The following POF1B variants were observed in gnomAD, a reference collection of about 807,000 sequenced individuals.
POF1B encodes the protein POF1B actin binding protein.
Under a neutral mutation model 55.3 loss-of-function variants are expected in POF1B, and 53 were observed. The ratio of observed to expected loss-of-function variants is 0.96; its 90% CI spans 0.77 to 1.20. The LOEUF (loss-of-function observed/expected upper bound fraction) is 1.20. Among genes scored for constraint, POF1B ranks in the 50% most tolerant of loss-of-function variants. The pLI, the probability that POF1B is intolerant of heterozygous loss-of-function variation, is 0.00. For synonymous variants in POF1B, 188 were observed against 148.3 expected, an observed-to-expected ratio of 1.27 and a Z score of -1.95; for missense variants, 478 against 420.5, an observed-to-expected ratio of 1.14 and a Z score of -1.20.
intron 6 of POF1B, among the ~76,000 whole-genome samples, chrX:85,338,131 A>G (rs1355578253): frequency 9.0e-6 from 1 of 111,321 alleles, no homozygotes; most frequent in Non-Finnish European, 1.9e-5. Flanking sequence ...TTTGTTGGAT[A>G]AAAATATTTT....
At chrX:85,305,698 A>AT (rs1175856114) in intron 13 of POF1B, 93 bp downstream of exon 13, 1 of 1,018,310 alleles carries the variant, frequency 9.8e-7, no homozygotes, top group Non-Finnish European at 1.3e-6. Flanking sequence ...CCTTCAGCTA[A>AT]TTTTTTCTGG....
intron 15 of POF1B, among the ~76,000 whole-genome samples, chrX:85,299,302 T>A (rs113548341): frequency 0.077 from 7,719 of 100,702 alleles, 666 homozygotes; most frequent in African/African-American, 0.25. Flanking sequence ...TTTTTTTTTT[T>A]TTTTGAGACG....
intron 5 of POF1B, among the ~76,000 whole-genome samples, chrX:85,347,063 G>A (rs1365089214): frequency 9.1e-6 from 1 of 110,458 alleles, no homozygotes; most frequent in African/African-American, 3.3e-5. Context: ...GCTTTTTTCT[G>A]GTAAGTATAG....
chrX:85,282,240 G>A lies in POF1B; in HGVS notation c.1727C>T (p.Thr576Ile), dbSNP rs1569276740. The change falls in exon 16 of 17, where the codon ACT becomes ATT. Residue 576 changes from threonine to isoleucine, a missense_variant. Transcript: ENST00000262753. The stretch of plus-strand genomic sequence containing the variant: ...GTCTTCTGTTTTCTCAATCACAATA[G>A]TCTGTGTTTCACTACCTGGTGGTAT... ...EYIPPGSETQ[T>I]IVIEKTEDKY... 8.4e-6 allele frequency: 10 copies of A among 1,189,912 alleles called. No homozygotes were observed. The highest frequency in any genetic ancestry group is 4.7e-4 in the Middle Eastern group (2 of 4,291).
At chrX:85,352,156 G>A (rs1405831211) in intron 4 of POF1B, among the ~76,000 whole-genome samples, 4 of 110,966 alleles carry the variant, frequency 3.6e-5, no homozygotes, top group Admixed American at 9.6e-5. Flanking sequence ...AACTGGGGAC[G>A]AGCTAATAAG....
intron 2 of POF1B, among the ~76,000 whole-genome samples, chrX:85,372,772 A>ATATATATATATATATATATATATATATAT (rs1193270205): frequency 9.9e-6 from 1 of 101,501 alleles, no homozygotes; most frequent in African/African-American, 3.6e-5. Context: ...TATTATATAT[A>ATATATATATATATATATATATATATATAT]CTATATATAT....
chrX:85,318,468 T>C (rs1932806816), intron 7 of POF1B, among the ~76,000 whole-genome samples: 1 of 111,923 alleles, frequency 8.9e-6, no homozygotes, highest in Admixed American at 9.5e-5. Context: ...AGAATGATAT[T>C]TCCTAGGTTA....
chrX:85,377,932 A>T (rs750969889), intron 2 of POF1B, among the ~76,000 whole-genome samples: 1 of 112,114 alleles, frequency 8.9e-6, no homozygotes, highest in Non-Finnish European at 1.9e-5. Flanking sequence ...GGCAGATAGG[A>T]TGATTTTAGG....
intron 6 of POF1B, among the ~76,000 whole-genome samples, chrX:85,332,439 C>T (rs1932995101): frequency 9.0e-6 from 1 of 110,836 alleles, no homozygotes; most frequent in Admixed American, 9.7e-5. Context: ...TTATTGGGCA[C>T]TGTGGCTCCC....
rs879249530 is a variant in POF1B, at chrX:85,279,484, C to A, written c.1765-58G>T. 2.8e-6 allele frequency: 3 copies of A among 1,087,090 alleles called. No homozygotes were observed. The South Asian group carries it at 5.9e-5, about 21-fold the overall frequency. 89.6% of individuals were successfully genotyped at this position (1,087,090 alleles called of 1,213,427 possible). A position where few individuals can be genotyped will look rare whatever the true frequency, so the allele number is the denominator to read the frequency against. On this transcript the variant is annotated intron_variant, in intron 16 of 16. Transcript: ENST00000262753. ...TGGTTCATAATTAAAGTCATTGTTA[C>A]TATATGCAAAGTTATGGAAAATTAT...
chrX:85,328,735 G>A (rs1932930227), intron 7 of POF1B, among the ~76,000 whole-genome samples: 1 of 109,835 alleles, frequency 9.1e-6, no homozygotes, highest in Non-Finnish European at 1.9e-5. Context: ...CACATGATGC[G>A]GATGCCACTT....
chrX:85,301,602 C>T (rs1161893429), intron 15 of POF1B, among the ~76,000 whole-genome samples: 1 of 110,686 alleles, frequency 9.0e-6, no homozygotes, highest in Non-Finnish European at 1.9e-5. Context: ...GTAAAGGTAA[C>T]TATACAGGTA....
rs140995970 is a variant in POF1B, at chrX:85,369,788, A to G, written c.283-2022T>C. On this transcript the variant is annotated intron_variant, in intron 2 of 16. Coordinates refer to ENST00000262753, the MANE Select transcript of POF1B (RefSeq NM_024921.4). ...GGGGCATGGAGTATGTGTGTTATTC[A>G]TTTGAACAGATACTGCCCAACTAAT... Among the ~76,000 whole-genome samples the G allele has an allele frequency of 4.3e-3, 477 of 111,919 alleles. 4 individuals carry two copies. The highest frequency in any genetic ancestry group is 0.014 in the African/African-American group (445 of 30,872).
At chrX:85,372,200 C>G (rs764217316) in intron 2 of POF1B, among the ~76,000 whole-genome samples, 204 of 109,501 alleles carry the variant, frequency 1.9e-3, no homozygotes, top group African/African-American at 6.4e-3. Flanking sequence ...AAAAAATAGC[C>G]GGGTGTGGTG....
At chrX:85,331,205 G>A in intron 6 of POF1B, 126 bp from the exon 7 acceptor site, 1 of 672,545 alleles carries the variant, frequency 1.5e-6, no homozygotes, top group Non-Finnish European at 2.1e-6. Flanking sequence ...ATTTTTTTCA[G>A]GGATACATTT....
At chrX:85,306,483 C>A in intron 11 of POF1B, 150 bp from the exon 12 acceptor site, 1 of 496,720 alleles carries the variant, frequency 2.0e-6, no homozygotes, top group Middle Eastern at 5.9e-4. Flanking sequence ...CATTAAGTCA[C>A]CCATGTAAGA....
chrX:85,280,421 G>T (rs1225853267), intron 16 of POF1B, among the ~76,000 whole-genome samples: 6 of 111,233 alleles, frequency 5.4e-5, no homozygotes, highest in African/African-American at 9.8e-5. Flanking sequence ...CATGTAGAAA[G>T]AAATGGACAT....
At chrX:85,315,546 A>G (rs1932780110) in intron 8 of POF1B, among the ~76,000 whole-genome samples, 161 bp downstream of exon 8, 1 of 111,417 alleles carries the variant, frequency 9.0e-6, no homozygotes, top group Admixed American at 9.6e-5. Flanking sequence ...ATAAATATGT[A>G]GTGTTTATAT....
At position 85,378,371 on chromosome X, in the gene POF1B, T is replaced by TA. The variant is rs199681895; in HGVS notation, c.282+801dup. On this transcript the variant is annotated intron_variant, in intron 2 of 16. Coordinates refer to ENST00000262753, the MANE Select transcript of POF1B (RefSeq NM_024921.4). ...ATTTAATGTAAAAGGAGTCAGAGGA[T>TA]AAAATACACATAAAGCTGTTAATTT... is the stretch of plus-strand genomic sequence containing the variant. Among the ~76,000 whole-genome samples, 705 of 112,196 alleles carry TA rather than the reference T, an allele frequency of 6.3e-3. 2 individuals are homozygous for TA. Among genetic ancestry groups the TA allele is most frequent in the African/African-American group, 0.022 (675 of 30,959 alleles).
Sources: gnomAD v4.1 joint callset for allele counts (sites outside exome capture counted in the v4.1 genomes callset) on GRCh38, gnomAD v4.1.1 for gene constraint, MANE v1.5 for transcripts, NCBI Gene and HGNC (gene_info 2026-07-23, HGNC 2026-07-21) for gene names.